Variants in SUGCT observed in about 807,000 individuals in gnomAD.
SUGCT encodes the protein succinyl-CoA:glutarate CoA-transferase.
SUGCT carries 41 observed loss-of-function variants against 55.0 expected under a neutral mutation model. That is an observed-to-expected ratio of 0.74 (90% CI 0.58 to 0.97). SUGCT has a LOEUF of 0.97. SUGCT is among the 50% of genes least tolerant of loss of function. The probability of loss-of-function intolerance (pLI) is 0.00; values close to 1 mark genes in which losing one functional copy is unlikely to be tolerated. For synonymous variants in SUGCT, 187 were observed against 200.4 expected (o/e 0.93, Z 0.56); for missense variants, 568 against 547.8 (o/e 1.04, Z -0.37).
the SUGCT span, among the ~76,000 whole-genome samples, chr7:41,010,101 C>T: frequency 6.6e-6 from 1 of 152,210 alleles, no homozygotes; most frequent in Non-Finnish European, 1.5e-5. Context: ...CCTCTAACCT[C>T]ACACCACCCA....
At chr7:40,816,166 C>T (rs114543209) in intron 13 of SUGCT, among the ~76,000 whole-genome samples, 154 of 152,298 alleles carry the variant, frequency 1.0e-3, no homozygotes, top group African/African-American at 3.2e-3. Context: ...TTCTACAGTT[C>T]GGGCTGTGGA....
At chr7:40,450,234 AC>A (rs764119464) in intron 10 of SUGCT, among the ~76,000 whole-genome samples, 1 of 151,624 alleles carries the variant, frequency 6.6e-6, no homozygotes, top group Non-Finnish European at 1.5e-5. Flanking sequence ...GGCCTACTAG[AC>A]TTTTTTTTTC....
chr7:40,241,676 C>T (rs1789401661), intron 7 of SUGCT, among the ~76,000 whole-genome samples: 1 of 151,352 alleles, frequency 6.6e-6, no homozygotes, highest in Non-Finnish European at 1.5e-5. Flanking sequence ...AATTCCAGCA[C>T]TTTGGGAGGC....
At chr7:40,810,104 CTTTT>C (rs1340326122) in intron 13 of SUGCT, among the ~76,000 whole-genome samples, 2 of 151,552 alleles carry the variant, frequency 1.3e-5, no homozygotes, top group Non-Finnish European at 2.9e-5. Flanking sequence ...GCACATCTGT[CTTTT>C]TGGTAGAATG....
At chr7:40,418,066 A>T (rs1450329197) in intron 9 of SUGCT, among the ~76,000 whole-genome samples, 1 of 152,134 alleles carries the variant, frequency 6.6e-6, no homozygotes, top group Non-Finnish European at 1.5e-5. Flanking sequence ...ACAGCCCTAA[A>T]TTTTTACACA....
chr7:40,898,743 C>T, the SUGCT span, among the ~76,000 whole-genome samples: 1 of 151,926 alleles, frequency 6.6e-6, no homozygotes. Flanking sequence ...CGGCTTCATT[C>T]TGGAAGTCAG....
the SUGCT span, among the ~76,000 whole-genome samples, chr7:41,031,760 C>T: frequency 7.9e-5 from 12 of 152,340 alleles, no homozygotes; most frequent in East Asian, 7.7e-4. Flanking sequence ...ACCTTCCTCT[C>T]TTACTCTTCT....
intron 12 of SUGCT, among the ~76,000 whole-genome samples, chr7:40,522,484 A>G (rs978844464): frequency 2.6e-5 from 4 of 152,114 alleles, no homozygotes; most frequent in African/African-American, 4.8e-5. Context: ...CTGGTTAACA[A>G]CTTAATTTTT....
intron 12 of SUGCT, among the ~76,000 whole-genome samples, chr7:40,592,478 G>A (rs1797782240): frequency 3.3e-5 from 5 of 152,136 alleles, no homozygotes; most frequent in Admixed American, 3.3e-4. Flanking sequence ...TGCAGGGAAG[G>A]GCTAGAGGAA....
chr7:40,380,817 A>G (rs1448266715), intron 9 of SUGCT, among the ~76,000 whole-genome samples: 1 of 151,998 alleles, frequency 6.6e-6, no homozygotes, highest in Non-Finnish European at 1.5e-5. Context: ...TCCTTTCTGT[A>G]TTTATTTTGT....
chr7:40,725,354 A>G (rs1221099659), intron 12 of SUGCT, among the ~76,000 whole-genome samples: 6 of 152,166 alleles, frequency 3.9e-5, no homozygotes, highest in Non-Finnish European at 7.3e-5. Flanking sequence ...GTATACTTTT[A>G]TGGTATGCAT....
intron 6 of SUGCT, among the ~76,000 whole-genome samples, chr7:40,225,646 G>T (rs1436830780): frequency 6.6e-6 from 1 of 151,938 alleles, no homozygotes. Flanking sequence ...ATGTTGGCCA[G>T]GCTGGTCTTG....
At chr7:40,384,885 C>G (rs1041848156) in intron 9 of SUGCT, among the ~76,000 whole-genome samples, 1 of 152,096 alleles carries the variant, frequency 6.6e-6, no homozygotes, top group Non-Finnish European at 1.5e-5. Context: ...TGAGAGCCTA[C>G]TATGCATCAG....
At chr7:41,011,005 G>C in the SUGCT span, among the ~76,000 whole-genome samples, 1 of 152,194 alleles carries the variant, frequency 6.6e-6, no homozygotes, top group Middle Eastern at 3.2e-3. Context: ...ATGGTGGTTT[G>C]GGTGAGGAAA....
At chr7:40,458,951 C>G in intron 10 of SUGCT, 150 bp from the exon 11 acceptor site, 1 of 566,664 alleles carries the variant, frequency 1.8e-6, no homozygotes, top group Non-Finnish European at 3.1e-6. Flanking sequence ...TAATCGTGTG[C>G]TTGTTCCCTC....
At chr7:40,874,814 C>T in the SUGCT span, among the ~76,000 whole-genome samples, 1 of 152,148 alleles carries the variant, frequency 6.6e-6, no homozygotes, top group Non-Finnish European at 1.5e-5. Context: ...CAAGATCTAT[C>T]CTTTTCTGGA....
At chr7:40,294,641 G>A (rs778127936) in intron 8 of SUGCT, among the ~76,000 whole-genome samples, 1 of 152,082 alleles carries the variant, frequency 6.6e-6, no homozygotes, top group Non-Finnish European at 1.5e-5. Flanking sequence ...CCGCTTCTCA[G>A]GTTCAAGTGA....
downstream of SUGCT, among the ~76,000 whole-genome samples, chr7:40,863,113 G>T (rs1794524190): frequency 6.6e-6 from 1 of 152,102 alleles, no homozygotes; most frequent in Non-Finnish European, 1.5e-5. Context: ...GTGGGTGCCT[G>T]CCTTCCCAGC....
chr7:40,384,976 G>A (rs1199896493), intron 9 of SUGCT, among the ~76,000 whole-genome samples: 2 of 152,082 alleles, frequency 1.3e-5, no homozygotes, highest in African/African-American at 4.8e-5. Context: ...TTGTCCTCAA[G>A]GGTCTGGGAG....
Sources: allele counts gnomAD v4.1 joint callset (sites outside exome capture counted in the v4.1 genomes callset), GRCh38; gene constraint gnomAD v4.1.1; transcripts MANE v1.5; gene names NCBI Gene and HGNC (gene_info 2026-07-23, HGNC 2026-07-21).